Variants in CNOT6 observed in about 807,000 individuals in gnomAD.
CNOT6 encodes carbon catabolite repression 4 protein.
Under a neutral mutation model 61.2 loss-of-function variants are expected in CNOT6, and 12 were observed. The observed-to-expected ratio is 0.20, with a 90% CI of 0.13 to 0.32. The LOEUF is 0.32. CNOT6 is among the 10% of genes least tolerant of loss of function. The pLI, the probability that CNOT6 is intolerant of heterozygous loss-of-function variation, is 1.00. For missense variants in CNOT6, 405 were observed against 663.9 expected, an observed-to-expected ratio of 0.61 and a Z score of 4.28; for synonymous variants, 225 against 240.6, an observed-to-expected ratio of 0.94 and a Z score of 0.60.
chr5:180,511,068 G>A (rs1317222952), intron 1 of CNOT6, among the ~76,000 whole-genome samples: 1 of 152,094 alleles, frequency 6.6e-6, no homozygotes, highest in East Asian at 1.9e-4. Context: ...GCCTCCCAAA[G>A]TGTTGGGATT....
chr5:180,517,986 T>A (rs1757720705), intron 1 of CNOT6, among the ~76,000 whole-genome samples: 1 of 134,838 alleles, frequency 7.4e-6, no homozygotes. Context: ...GCAGTCCATA[T>A]GCTGTCTCTT....
intron 1 of CNOT6, among the ~76,000 whole-genome samples, chr5:180,518,802 G>A (rs893948878): frequency 2.0e-5 from 3 of 152,178 alleles, no homozygotes; most frequent in South Asian, 2.1e-4. Flanking sequence ...CAGTGTTTCC[G>A]TTTAATTTCC....
rs1760913370 is a variant in CNOT6, at chr5:180,574,278, A to C, written c.*78A>C. The C allele has an allele frequency of 1.7e-6, 2 of 1,199,772 alleles. No homozygotes were observed. Among genetic ancestry groups the C allele is most frequent in the Middle Eastern group, 1.9e-4 (1 of 5,152 alleles). 74.3% of individuals were successfully genotyped at this position (1,199,772 alleles called of 1,614,324 possible). A position where few individuals can be genotyped will look rare whatever the true frequency, so the allele number is the denominator to read the frequency against. On this transcript the variant is annotated 3_prime_UTR_variant, in exon 12 of 12. Coordinates refer to ENST00000261951, the MANE Select transcript of CNOT6 (RefSeq NM_001370472.1). The stretch of plus-strand genomic sequence containing the variant: ...GAACATAGGGGAGTGAGGTATGGCC[A>C]CTGAGGATTTTTGCTTGCTTAAGAA...
Position 180,576,844 on chromosome 5 carries a change from T to G in CNOT6, c.*2644T>G, listed in dbSNP as rs1169107407. The G allele has an allele frequency of 6.6e-6, 1 of 152,194 alleles. No homozygotes were observed. The highest frequency in any genetic ancestry group is 2.4e-5 in the African/African-American group (1 of 41,454). 9.4% of individuals were successfully genotyped at this position (152,194 alleles called of 1,614,324 possible). On this transcript the variant is annotated 3_prime_UTR_variant, in exon 12 of 12. Transcript: ENST00000261951. The stretch of plus-strand genomic sequence containing the variant: ...CACGGTGTATATTTTTTTTCAAAAA[T>G]TCTGTAACAAATATATTTAATGTGT...
intron 2 of CNOT6, among the ~76,000 whole-genome samples, chr5:180,540,536 A>G (rs892339664): frequency 6.6e-6 from 1 of 152,216 alleles, no homozygotes; most frequent in Non-Finnish European, 1.5e-5. Flanking sequence ...CAGTCATTAC[A>G]TGAGATATTC....
chr5:180,552,175 A>T (rs573115211), intron 3 of CNOT6, among the ~76,000 whole-genome samples: 1 of 149,688 alleles, frequency 6.7e-6, no homozygotes, highest in African/African-American at 2.5e-5. Flanking sequence ...AGCCCGAGGG[A>T]CCTCCTTTTT....
chr5:180,519,228 T>C (rs1757780197), intron 1 of CNOT6, among the ~76,000 whole-genome samples: 2 of 152,226 alleles, frequency 1.3e-5, no homozygotes, highest in African/African-American at 4.8e-5. Flanking sequence ...CAAGGGCTTA[T>C]TGCAGGAGTT....
chr5:180,498,980 A>G (rs1050775256), intron 1 of CNOT6, among the ~76,000 whole-genome samples: 18 of 152,146 alleles, frequency 1.2e-4, no homozygotes, highest in Non-Finnish European at 2.1e-4. Context: ...TAGTAGAGGC[A>G]GGGTTTCACC....
intron 2 of CNOT6, among the ~76,000 whole-genome samples, chr5:180,533,443 G>A (rs1284066200): frequency 6.6e-6 from 1 of 151,638 alleles, no homozygotes; most frequent in Admixed American, 6.6e-5. Flanking sequence ...GTCTTGCTCT[G>A]TTGCCCAGGC....
intron 1 of CNOT6, among the ~76,000 whole-genome samples, chr5:180,525,813 G>A (rs1472222412): frequency 6.6e-6 from 1 of 152,154 alleles, no homozygotes; most frequent in Non-Finnish European, 1.5e-5. Flanking sequence ...CAAGCAGTGT[G>A]TTTCTAGGCG....
chr5:180,538,556 C>T (rs775242372), intron 2 of CNOT6, among the ~76,000 whole-genome samples: 3 of 151,008 alleles, frequency 2.0e-5, no homozygotes, highest in African/African-American at 4.9e-5. Flanking sequence ...GGCATAGTGG[C>T]GTGCTCCTGT....
At chr5:180,545,512 T>C (rs943870751) in intron 2 of CNOT6, among the ~76,000 whole-genome samples, 1 of 152,336 alleles carries the variant, frequency 6.6e-6, no homozygotes, top group East Asian at 1.9e-4. Flanking sequence ...TCTATACTTA[T>C]CCTGTAGTTC....
intron 4 of CNOT6, among the ~76,000 whole-genome samples, chr5:180,562,894 C>T (rs146546232): frequency 7.9e-5 from 12 of 152,142 alleles, no homozygotes; most frequent in Admixed American, 7.9e-4. Context: ...GCTTATCTCA[C>T]GGGATTGTGA....
At chr5:180,564,979 G>A (rs1760380212) in intron 6 of CNOT6, among the ~76,000 whole-genome samples, 1 of 152,210 alleles carries the variant, frequency 6.6e-6, no homozygotes, top group East Asian at 1.9e-4. Context: ...ATCCCCCAGA[G>A]GACATTTGGC....
intron 4 of CNOT6, among the ~76,000 whole-genome samples, chr5:180,561,653 C>T (rs888503872): frequency 2.6e-5 from 4 of 152,200 alleles, no homozygotes; most frequent in African/African-American, 7.2e-5. Flanking sequence ...CAGGCACTGT[C>T]TCCTTACTGC....
intron 2 of CNOT6, among the ~76,000 whole-genome samples, chr5:180,536,702 G>A (rs567564933): frequency 2.0e-5 from 3 of 152,052 alleles, no homozygotes; most frequent in Non-Finnish European, 2.9e-5. Flanking sequence ...CCTCGACCTC[G>A]TGGGTTCAAG....
intron 1 of CNOT6, among the ~76,000 whole-genome samples, chr5:180,506,146 A>G (rs774763731): frequency 6.6e-6 from 1 of 152,240 alleles, no homozygotes; most frequent in African/African-American, 2.4e-5. Context: ...TCCCAGCTCT[A>G]CAATTCAGTT....
At chr5:180,546,301 CTCT>C (rs1475258365) in intron 2 of CNOT6, among the ~76,000 whole-genome samples, 4 of 152,072 alleles carry the variant, frequency 2.6e-5, no homozygotes, top group African/African-American at 7.2e-5. Flanking sequence ...TTTCTTCACT[CTCT>C]TGTTTTGAAA....
Position 180,529,179 on chromosome 5 carries a change from CAG to C in CNOT6, c.-2-93_-2-92del, listed in dbSNP as rs533172504. 742 of 707,904 alleles carry C rather than the reference CAG, an allele frequency of 1.0e-3. 2 individuals are homozygous for C. Among genetic ancestry groups the C allele is most frequent in the Non-Finnish European group, 1.5e-3 (612 of 412,636 alleles). 43.9% of individuals were successfully genotyped at this position (707,904 alleles called of 1,614,324 possible). A position where few individuals can be genotyped will look rare whatever the true frequency, so the allele number is the denominator to read the frequency against. ...TGCCACTGCACTCCAGCCTGGGTGA[CAG>C]AGTCAGACTTCGTCTCAAAAAAAAA... On this transcript the variant is annotated intron_variant, in intron 1 of 11. Transcript: ENST00000261951.
Sources: allele counts gnomAD v4.1 joint callset (sites outside exome capture counted in the v4.1 genomes callset), GRCh38; gene constraint gnomAD v4.1.1; transcripts MANE v1.5; gene names NCBI Gene and HGNC (gene_info 2026-07-23, HGNC 2026-07-21).